TENM3: variants seen among roughly 807,000 people sequenced by gnomAD.
TENM3 encodes teneurin-3.
TENM3 carries 63 observed loss-of-function variants against 255.1 expected under a neutral mutation model. The ratio of observed to expected loss-of-function variants is 0.25; its 90% CI spans 0.20 to 0.30. The LOEUF is 0.30. TENM3 is among the 10% of genes least tolerant of loss of function. The probability of loss-of-function intolerance (pLI) is 1.00; values close to 1 mark genes in which losing one functional copy is unlikely to be tolerated. For synonymous variants in TENM3, 1,306 were observed against 1,322.3 expected (o/e 0.99, Z 0.27); for missense variants, 2,929 against 3,461.1 (o/e 0.85, Z 3.86).
chr4:181,983,878 A>G, the TENM3 span, among the ~76,000 whole-genome samples: 1 of 152,176 alleles, frequency 6.6e-6, no homozygotes, highest in Non-Finnish European at 1.5e-5. Flanking sequence ...TATCTGTGCA[A>G]TAAAATAATG....
chr4:182,442,367 T>A (rs1339157208), intron 3 of TENM3, among the ~76,000 whole-genome samples: 1 of 152,148 alleles, frequency 6.6e-6, no homozygotes, highest in East Asian at 1.9e-4. Flanking sequence ...TTGTAAAGGG[T>A]TAATATAAAA....
At chr4:181,576,663 G>A in the TENM3 span, among the ~76,000 whole-genome samples, 21 of 152,040 alleles carry the variant, frequency 1.4e-4, no homozygotes, top group Non-Finnish European at 2.4e-4. Flanking sequence ...TGTTGAATGC[G>A]TATGTAAGGG....
At chr4:181,944,917 C>T in the TENM3 span, among the ~76,000 whole-genome samples, 1 of 152,050 alleles carries the variant, frequency 6.6e-6, no homozygotes, top group African/African-American at 2.4e-5. Context: ...AACTATTCCA[C>T]GGAGCCCTCC....
chr4:182,779,294 G>A (rs1764974224), intron 24 of TENM3, among the ~76,000 whole-genome samples: 2 of 151,824 alleles, frequency 1.3e-5, no homozygotes, highest in African/African-American at 4.8e-5. Context: ...ACCTATGAGT[G>A]AGAATATACG....
chr4:181,895,397 T>C, the TENM3 span, among the ~76,000 whole-genome samples: 2 of 151,984 alleles, frequency 1.3e-5, no homozygotes, highest in Non-Finnish European at 2.9e-5. Context: ...CATTAGCTAT[T>C]CCAGTAATAA....
the TENM3 span, among the ~76,000 whole-genome samples, chr4:182,090,008 A>C: frequency 6.6e-6 from 1 of 152,366 alleles, no homozygotes; most frequent in Non-Finnish European, 1.5e-5. Flanking sequence ...CTACAACAAA[A>C]AATAAAATAA....
At chr4:181,765,918 A>G in the TENM3 span, among the ~76,000 whole-genome samples, 7 of 152,240 alleles carry the variant, frequency 4.6e-5, no homozygotes, top group South Asian at 4.1e-4. Context: ...AGAGTTTTAT[A>G]AAGTGTTAAG....
intron 8 of TENM3, 68 bp from the exon 9 acceptor site, chr4:182,680,180 G>C (rs1756032110): frequency 2.7e-6 from 3 of 1,115,368 alleles, no homozygotes; most frequent in Admixed American, 1.9e-5. Context: ...GAAGATCAAA[G>C]TGATACCGTT....
chr4:181,812,501 C>T, the TENM3 span, among the ~76,000 whole-genome samples: 1 of 152,166 alleles, frequency 6.6e-6, no homozygotes, highest in African/African-American at 2.4e-5. Flanking sequence ...TTTTAAAAGA[C>T]AACTTTTGTG....
chr4:182,505,190 T>C (rs1736693195), intron 3 of TENM3, among the ~76,000 whole-genome samples: 2 of 152,104 alleles, frequency 1.3e-5, no homozygotes, highest in Non-Finnish European at 2.9e-5. Flanking sequence ...TATACCAGAC[T>C]CTTAGTTCTA....
At chr4:182,668,281 T>G (rs140383185) in intron 6 of TENM3, among the ~76,000 whole-genome samples, 93 of 152,266 alleles carry the variant, frequency 6.1e-4, no homozygotes, top group Non-Finnish European at 1.1e-3. Context: ...CATAGTAATA[T>G]TTGGGTATGT....
chr4:181,490,124 G>A, the TENM3 span, among the ~76,000 whole-genome samples: 1 of 151,976 alleles, frequency 6.6e-6, no homozygotes, highest in South Asian at 2.1e-4. Flanking sequence ...AGGGTAATGG[G>A]GTATCTATCA....
chr4:182,158,825 G>A (rs1270088541), intron 1 of TENM3, among the ~76,000 whole-genome samples: 1 of 152,196 alleles, frequency 6.6e-6, no homozygotes, highest in East Asian at 1.9e-4. Flanking sequence ...GCTAGCATTT[G>A]AATGTTGCCT....
intron 3 of TENM3, among the ~76,000 whole-genome samples, chr4:182,431,026 A>C (rs1228189267): frequency 1.2e-5 from 1 of 84,314 alleles, no homozygotes; most frequent in African/African-American, 4.8e-5. Context: ...TAAATAAATA[A>C]ATAAATAAAT....
the TENM3 span, among the ~76,000 whole-genome samples, chr4:181,605,548 AAGAAAGAAAGAAAGAAAGAAAG>A: frequency 3.1e-5 from 1 of 31,956 alleles, no homozygotes; most frequent in Non-Finnish European, 8.5e-5. Context: ...GAAAGAAAGA[AAGAAAGAAAGAAAGAAAGAAAG>A]AGAGAGAAAG....
At chr4:182,179,774 T>C (rs191478066) in intron 1 of TENM3, among the ~76,000 whole-genome samples, 79 of 152,372 alleles carry the variant, frequency 5.2e-4, no homozygotes, top group South Asian at 3.1e-3. Context: ...GTTTTTGTCT[T>C]CTAAATATTG....
At chr4:182,657,926 G>A (rs182163681) in intron 6 of TENM3, among the ~76,000 whole-genome samples, 8 of 152,336 alleles carry the variant, frequency 5.3e-5, no homozygotes, top group African/African-American at 1.9e-4. Context: ...AAAGTGCTAG[G>A]ATTATTGGCG....
the TENM3 span, among the ~76,000 whole-genome samples, chr4:181,960,432 A>G: frequency 1.3e-5 from 2 of 152,236 alleles, no homozygotes; most frequent in Non-Finnish European, 2.9e-5. Flanking sequence ...AATACCAGCC[A>G]GCTATTTCTT....
At chr4:182,100,860 CAT>C in the TENM3 span, among the ~76,000 whole-genome samples, 1 of 34,396 alleles carries the variant, frequency 2.9e-5, no homozygotes, top group Admixed American at 3.0e-4. Context: ...TATATATACT[CAT>C]ATATATATAT....
Sources: gnomAD v4.1 joint callset for allele counts (sites outside exome capture counted in the v4.1 genomes callset) on GRCh38, gnomAD v4.1.1 for gene constraint, MANE v1.5 for transcripts, NCBI Gene and HGNC (gene_info 2026-07-23, HGNC 2026-07-21) for gene names.